BTBD7: variants seen among roughly 807,000 people sequenced by gnomAD.
BTBD7 encodes BTB/POZ domain-containing protein 7.
BTBD7 carries 38 observed loss-of-function variants against 99.9 expected under a neutral mutation model. The ratio of observed to expected loss-of-function variants is 0.38; its 90% confidence interval spans 0.29 to 0.50. The LOEUF (loss-of-function observed/expected upper bound fraction) is 0.50, where lower values mean the gene tolerates loss of function less well. Ranked by LOEUF, BTBD7 falls within the 20% of genes least tolerant of loss-of-function variation. The pLI, the probability that BTBD7 is intolerant of heterozygous loss-of-function variation, is 0.93. For synonymous variants in BTBD7, 520 were observed against 511.4 expected, an observed-to-expected ratio of 1.02 and a Z score of -0.23; for missense variants, 1,170 against 1,394.6, an observed-to-expected ratio of 0.84 and a Z score of 2.57.
chr14:93,330,983 C>T (rs1389879586), intron 1 of BTBD7, among the ~76,000 whole-genome samples: 2 of 152,090 alleles, frequency 1.3e-5, no homozygotes, highest in African/African-American at 4.8e-5. Flanking sequence ...AGAATATTGA[C>T]CTATGAGTTT....
rs893903108 is a variant in BTBD7, at chr14:93,239,293, G to A, written c.*2980C>T. The A allele has an allele frequency of 6.6e-5, 10 of 152,538 alleles. No individual in the cohort carries two copies. Among genetic ancestry groups the A allele is most frequent in the Non-Finnish European group, 1.2e-4 (8 of 68,032 alleles). The allele number at this position is 152,538 out of a possible 1,614,324, so 9.4% of individuals were successfully genotyped here. On this transcript the variant is annotated 3_prime_UTR_variant, in exon 11 of 11. Transcript: ENST00000334746. ...TAAACGGTAGGTCTCTAACCTCAAC[G>A]CACAGCGGGCACTGGAAGCGGTGAT...
intron 1 of BTBD7, 80 bp from the exon 2 acceptor site, chr14:93,296,237 A>G: frequency 9.4e-7 from 1 of 1,060,250 alleles, no homozygotes. Context: ...AGCTACTGAA[A>G]ACTGCTTTCA....
intron 1 of BTBD7, among the ~76,000 whole-genome samples, chr14:93,323,236 C>T (rs1006903606): frequency 3.3e-5 from 5 of 151,376 alleles, no homozygotes; most frequent in East Asian, 3.9e-4. Flanking sequence ...AGCAAGAACG[C>T]GAATAGAAAA....
At chr14:93,280,763 A>G (rs1347511759) in intron 3 of BTBD7, among the ~76,000 whole-genome samples, 2 of 152,066 alleles carry the variant, frequency 1.3e-5, no homozygotes, top group Non-Finnish European at 2.9e-5. Flanking sequence ...GACAGTTTAT[A>G]TTCACCGAGT....
intron 3 of BTBD7, among the ~76,000 whole-genome samples, chr14:93,267,711 TA>T (rs1161751613): frequency 6.6e-6 from 1 of 152,208 alleles, no homozygotes; most frequent in Non-Finnish European, 1.5e-5. Flanking sequence ...TCAGTACTAT[TA>T]TTGGGTTCTT....
At chr14:93,312,429 C>T (rs72708578) in intron 1 of BTBD7, among the ~76,000 whole-genome samples, 26,278 of 152,152 alleles carry the variant, frequency 0.17, 2,360 homozygotes, top group Admixed American at 0.22. Context: ...TTCAAAAATT[C>T]ACTTTTTTCT....
intron 5 of BTBD7, 31 bp from the exon 6 acceptor site, chr14:93,257,386 C>T: frequency 6.3e-7 from 1 of 1,576,094 alleles, no homozygotes; most frequent in East Asian, 2.2e-5. Context: ...AGTTTCCAAC[C>T]AAATCCAAAT....
At chr14:93,284,408 C>T (rs561222380) in intron 3 of BTBD7, among the ~76,000 whole-genome samples, 12 of 151,372 alleles carry the variant, frequency 7.9e-5, no homozygotes, top group Admixed American at 2.6e-4. Context: ...ATTTTGTTTG[C>T]AACTCCTTAG....
chr14:93,320,309 A>T (rs935523079), intron 1 of BTBD7, among the ~76,000 whole-genome samples: 9 of 152,204 alleles, frequency 5.9e-5, no homozygotes, highest in African/African-American at 2.2e-4. Flanking sequence ...GAGACATTTC[A>T]AATTGCCACA....
intron 2 of BTBD7, among the ~76,000 whole-genome samples, chr14:93,295,549 G>C (rs1350506143): frequency 6.6e-6 from 1 of 152,116 alleles, no homozygotes; most frequent in Non-Finnish European, 1.5e-5. Context: ...CTTAATCATG[G>C]GTTTTTAGGA....
At chr14:93,284,153 A>G (rs115411266) in intron 3 of BTBD7, among the ~76,000 whole-genome samples, 2,814 of 152,270 alleles carry the variant, frequency 0.018, 77 homozygotes, top group African/African-American at 0.064. Flanking sequence ...CTGCCTCTGG[A>G]TTAAACTTTT....
intron 3 of BTBD7, among the ~76,000 whole-genome samples, chr14:93,282,692 A>G (rs535248789): frequency 6.6e-6 from 1 of 152,244 alleles, no homozygotes; most frequent in South Asian, 2.1e-4. Context: ...AAAAGCCAGG[A>G]TATTTGTACA....
rs769173156 is a variant in BTBD7, at chr14:93,242,351, C to T, written c.3321G>A (p.Leu1107=). ...LGHGAQRNTD[L]EREDSISRGR... ...CTCTGCTTATTGAATCTTCCCTTTC[C>T]AAATCTGTATTTCTCTGAGCTCCAT... is the stretch of plus-strand genomic sequence containing the variant. The change falls in exon 11 of 11, where the codon TTG becomes TTA. Residue 1107 remains leucine, a synonymous_variant. Coordinates refer to ENST00000334746, the MANE Select transcript of BTBD7 (RefSeq NM_001002860.4). The T allele has an allele frequency of 6.2e-7, 1 of 1,614,176 alleles. No homozygotes were observed. The highest frequency in any genetic ancestry group is 8.5e-7 in the Non-Finnish European group (1 of 1,180,040).
intron 3 of BTBD7, among the ~76,000 whole-genome samples, chr14:93,281,573 C>T (rs531005227): frequency 4.1e-4 from 63 of 152,294 alleles, no homozygotes; most frequent in Admixed American, 1.1e-3. Context: ...TAAAAAACAT[C>T]AGTTATTCAA....
At chr14:93,253,572 TAA>T in intron 7 of BTBD7, 73 bp downstream of exon 7, 1 of 1,321,430 alleles carries the variant, frequency 7.6e-7, no homozygotes. Flanking sequence ...AATATTTAAG[TAA>T]TACTACAGTG....
chr14:93,289,271 C>A (rs2052818394), intron 3 of BTBD7, among the ~76,000 whole-genome samples: 1 of 152,202 alleles, frequency 6.6e-6, no homozygotes. Context: ...TGCAGAAGAA[C>A]AAAACCACAT....
At chr14:93,277,459 G>A (rs2052668922) in intron 3 of BTBD7, among the ~76,000 whole-genome samples, 1 of 152,186 alleles carries the variant, frequency 6.6e-6, no homozygotes, top group Non-Finnish European at 1.5e-5. Context: ...CTGAAATAGA[G>A]CACATTCTTA....
At chr14:93,260,345 C>T (rs1279412724) in intron 5 of BTBD7, among the ~76,000 whole-genome samples, 2 of 152,068 alleles carry the variant, frequency 1.3e-5, no homozygotes, top group Admixed American at 6.6e-5. Flanking sequence ...AATTTAGATT[C>T]AGTACATAAA....
rs76124096 is a variant in BTBD7 at position 93,315,311 on chromosome 14, T to G, written c.-107+17509A>C. On this transcript the variant is annotated intron_variant, in intron 1 of 10. Transcript: ENST00000334746. ...GGTATACTAACATTTAACATTTTATTAAGTCCTAAGTATTAAGCTAACTCA... is the reference window on the plus strand; with the variant it reads ...GGTATACTAACATTTAACATTTTATGAAGTCCTAAGTATTAAGCTAACTCA... Among the ~76,000 whole-genome samples the G allele has an allele frequency of 3.5e-3, 532 of 152,336 alleles. 12 individuals carry two copies. In the South Asian group the frequency reaches 0.052, roughly 15 times the overall value.
Sources: allele counts gnomAD v4.1 joint callset (sites outside exome capture counted in the v4.1 genomes callset), GRCh38; gene constraint gnomAD v4.1.1; transcripts MANE v1.5; gene names NCBI Gene and HGNC (gene_info 2026-07-23, HGNC 2026-07-21).